DSCAM: variants seen among roughly 807,000 people sequenced by gnomAD.
DSCAM encodes the protein cell adhesion molecule DSCAM.
Under a neutral mutation model 217.7 loss-of-function variants are expected in DSCAM, and 47 were observed. The ratio of observed to expected loss-of-function variants is 0.22; its 90% CI spans 0.17 to 0.28. DSCAM has a LOEUF of 0.28. DSCAM is among the 10% of genes least tolerant of loss of function. DSCAM has a pLI of 1.00. For missense variants in DSCAM, 2,080 were observed against 2,618.3 expected (o/e 0.79, Z 4.49); for synonymous variants, 1,056 against 1,015.3 (o/e 1.04, Z -0.76).
chr21:40,166,988 G>A (rs77975655), intron 16 of DSCAM, among the ~76,000 whole-genome samples: 31 of 147,142 alleles, frequency 2.1e-4, no homozygotes, highest in Non-Finnish European at 1.5e-4. Flanking sequence ...ATTCAAGGAA[G>A]AAAAAAAAAA....
intron 9 of DSCAM, among the ~76,000 whole-genome samples, chr21:40,303,930 T>C (rs1408984781): frequency 2.0e-5 from 3 of 152,238 alleles, no homozygotes; most frequent in Non-Finnish European, 4.4e-5. Context: ...ATAGGAACTG[T>C]TGTGTTGGTG....
At chr21:40,087,968 T>C (rs1398109100) in intron 21 of DSCAM, among the ~76,000 whole-genome samples, 2 of 152,198 alleles carry the variant, frequency 1.3e-5, no homozygotes, top group African/African-American at 4.8e-5. Flanking sequence ...AAGTCCAGTG[T>C]GGCCAGCAAT....
chr21:40,063,368 T>C (rs1275141808), intron 27 of DSCAM, among the ~76,000 whole-genome samples: 3 of 152,156 alleles, frequency 2.0e-5, no homozygotes, highest in Non-Finnish European at 2.9e-5. Context: ...CCTGGAAACT[T>C]AGATGTTTAT....
intron 3 of DSCAM, among the ~76,000 whole-genome samples, chr21:40,455,207 C>G (rs1045109603): frequency 3.9e-5 from 6 of 152,124 alleles, no homozygotes; most frequent in African/African-American, 1.4e-4. Context: ...ACAAGTGGAA[C>G]ATAATGCTCC....
intron 3 of DSCAM, among the ~76,000 whole-genome samples, chr21:40,578,534 T>C (rs985107880): frequency 6.6e-6 from 1 of 152,182 alleles, no homozygotes. Flanking sequence ...ATCAGCAGGA[T>C]GTGGGCAGGG....
chr21:40,018,481 C>A (rs542678537), intron 32 of DSCAM, among the ~76,000 whole-genome samples: 2 of 152,070 alleles, frequency 1.3e-5, no homozygotes, highest in Admixed American at 1.3e-4. Flanking sequence ...TTTCTGAGAC[C>A]CGACTCAATC....
At chr21:40,822,808 T>C (rs1158488199) in intron 1 of DSCAM, among the ~76,000 whole-genome samples, 1 of 152,198 alleles carries the variant, frequency 6.6e-6, no homozygotes, top group Non-Finnish European at 1.5e-5. Flanking sequence ...ACTATAACTT[T>C]TTCAATAAGT....
chr21:40,441,374 G>T (rs990018196), intron 3 of DSCAM, among the ~76,000 whole-genome samples: 10 of 152,170 alleles, frequency 6.6e-5, no homozygotes, highest in Non-Finnish European at 1.5e-4. Flanking sequence ...CCATGTGTGA[G>T]TTGTCATGTG....
intron 11 of DSCAM, among the ~76,000 whole-genome samples, chr21:40,200,183 A>T (rs2091055500): frequency 6.6e-6 from 1 of 152,120 alleles, no homozygotes; most frequent in African/African-American, 2.4e-5. Flanking sequence ...AAAGTCCTTG[A>T]AATTTCCATT....
At chr21:40,818,006 G>C (rs1356004555) in intron 1 of DSCAM, among the ~76,000 whole-genome samples, 2 of 149,706 alleles carry the variant, frequency 1.3e-5, no homozygotes, top group African/African-American at 4.9e-5. Flanking sequence ...TGAGGCAGGA[G>C]AATGGCGTGA....
intron 3 of DSCAM, among the ~76,000 whole-genome samples, chr21:40,408,757 A>T (rs1302392083): frequency 1.3e-5 from 2 of 152,176 alleles, no homozygotes; most frequent in Non-Finnish European, 2.9e-5. Context: ...ACACAGCTGG[A>T]GTGACGTGTT....
Position 40,312,308 on chromosome 21 carries a change from C to T in DSCAM, c.1835G>A (p.Arg612Gln), listed in dbSNP as rs1290659377. The T allele has an allele frequency of 6.2e-7, 1 of 1,613,996 alleles. No homozygotes were observed. Residue 612 changes from arginine to glutamine, a missense_variant, in exon 9 of 33, where the codon CGG becomes CAG. Coordinates refer to ENST00000400454, the MANE Select transcript of DSCAM (RefSeq NM_001389.5). ...GACCACAACACAGGGGATGAAGACC[C>T]GCTGCCCAATGGAGAATCTTGGAAA... ...FEFPRFSIGQ[R>Q]VFIPCVVVSG... is the part of the protein sequence containing the mutation.
Position 40,052,010 on chromosome 21 carries a change from C to A in DSCAM, c.5133G>T (p.Val1711=), listed in dbSNP as rs1009133746. The change falls in exon 30 of 33, where the codon GTG becomes GTT. Residue 1711 remains valine, a synonymous_variant. Transcript: ENST00000400454. The stretch of plus-strand genomic sequence containing the variant: ...CCACTAAGGGCCCAGTGGCCTGAGA[C>A]ACCGATTGGTAATGGACCGTGTGAG... ...TVTHTVHYQS[V]SQATGPLVDV... The A allele has an allele frequency of 6.2e-7, 1 of 1,613,936 alleles. No individual in the cohort carries two copies. Among genetic ancestry groups the A allele is most frequent in the African/African-American group, 1.3e-5 (1 of 74,928 alleles).
chr21:40,139,681 G>T (rs1223911201), intron 18 of DSCAM, among the ~76,000 whole-genome samples: 1 of 151,496 alleles, frequency 6.6e-6, no homozygotes, highest in Non-Finnish European at 1.5e-5. Context: ...GTGGTATGTG[G>T]TGTATATGGA....
intron 3 of DSCAM, among the ~76,000 whole-genome samples, chr21:40,674,317 C>A (rs1375506819): frequency 6.6e-6 from 1 of 152,176 alleles, no homozygotes; most frequent in African/African-American, 2.4e-5. Context: ...GTTGTTGTAG[C>A]ATTAATTTTT....
intron 10 of DSCAM, among the ~76,000 whole-genome samples, chr21:40,289,574 GAGAGAC>G (rs2073866298): frequency 6.6e-6 from 1 of 152,186 alleles, no homozygotes; most frequent in African/African-American, 2.4e-5. Flanking sequence ...GATATGTTGA[GAGAGAC>G]AGAGACAGCA....
intron 1 of DSCAM, among the ~76,000 whole-genome samples, chr21:40,743,699 T>G (rs960786381): frequency 1.8e-4 from 28 of 152,220 alleles, no homozygotes; most frequent in African/African-American, 6.8e-4. Flanking sequence ...TGTTTCTGTC[T>G]GGTCAACAGT....
chr21:40,757,821 A>G (rs2091291008), intron 1 of DSCAM, among the ~76,000 whole-genome samples: 1 of 152,132 alleles, frequency 6.6e-6, no homozygotes, highest in African/African-American at 2.4e-5. Flanking sequence ...AATCCTCCCT[A>G]TGTGTGGAGT....
chr21:40,319,254 C>T (rs2074233698), intron 8 of DSCAM, among the ~76,000 whole-genome samples: 1 of 152,092 alleles, frequency 6.6e-6, no homozygotes, highest in Non-Finnish European at 1.5e-5. Flanking sequence ...TAAGTAAAAA[C>T]AGCAGACCAA....
Sources: allele counts gnomAD v4.1 joint callset (sites outside exome capture counted in the v4.1 genomes callset), GRCh38; gene constraint gnomAD v4.1.1; transcripts MANE v1.5; gene names NCBI Gene and HGNC (gene_info 2026-07-23, HGNC 2026-07-21).